Variants in LARGE1 observed in about 807,000 individuals in gnomAD.
The protein encoded by LARGE1 is LARGE xylosyl- and glucuronyltransferase 1.
Under a neutral mutation model 87.6 loss-of-function variants are expected in LARGE1, and 43 were observed. The ratio of observed to expected loss-of-function variants is 0.49; its 90% CI spans 0.38 to 0.63. The LOEUF (loss-of-function observed/expected upper bound fraction) is 0.63. Ranked by LOEUF, LARGE1 falls within the 30% of genes least tolerant of loss-of-function variation. The pLI is 0.00. For synonymous variants in LARGE1, 434 were observed against 394.6 expected (o/e 1.10, Z -1.18); for missense variants, 802 against 1,000.2 (o/e 0.80, Z 2.67).
chr22:33,616,298 G>A (rs1301660222), intron 4 of LARGE1, among the ~76,000 whole-genome samples: 1 of 152,084 alleles, frequency 6.6e-6, no homozygotes, highest in Non-Finnish European at 1.5e-5. Context: ...CCTGAGGTCA[G>A]GAGTTCAAGA....
chr22:33,099,981 C>T, the LARGE1 span, among the ~76,000 whole-genome samples: 5 of 152,122 alleles, frequency 3.3e-5, no homozygotes, highest in Admixed American at 6.5e-5. Flanking sequence ...CACAGGGGAA[C>T]AATAAATCTA....
upstream of LARGE1, among the ~76,000 whole-genome samples, chr22:33,921,601 A>C (rs1255337961): frequency 6.6e-6 from 1 of 152,074 alleles, no homozygotes; most frequent in Non-Finnish European, 1.5e-5. This position sits in a 1 kb window ranked among gnomAD's most constrained non-coding sequence, Gnocchi z 4.1. Context: ...TGGGATCGGT[A>C]TCCAAGAATC....
intron 2 of LARGE1, among the ~76,000 whole-genome samples, chr22:33,760,482 C>T (rs941743195): frequency 3.3e-5 from 5 of 152,196 alleles, no homozygotes; most frequent in Non-Finnish European, 7.3e-5. Context: ...ACCTCTCCCA[C>T]AGCACCCTGC....
At chr22:33,377,139 T>A (rs2065017213) in intron 9 of LARGE1, among the ~76,000 whole-genome samples, 1 of 152,238 alleles carries the variant, frequency 6.6e-6, no homozygotes, top group African/African-American at 2.4e-5. Flanking sequence ...TCATTTGTGT[T>A]AACAAAACCC....
intron 1 of LARGE1, among the ~76,000 whole-genome samples, chr22:33,891,135 C>T (rs777400806): frequency 2.6e-5 from 4 of 152,152 alleles, no homozygotes; most frequent in Non-Finnish European, 5.9e-5. Context: ...CATTCAGACC[C>T]CTCATTTGAG....
chr22:33,253,906 TG>T (rs1555885389), intron 11 of LARGE1, among the ~76,000 whole-genome samples: 218 of 64,112 alleles, frequency 3.4e-3, no homozygotes, highest in African/African-American at 9.9e-3. Flanking sequence ...CTTTCCTTCT[TG>T]GTTTTTTTTT....
intron 1 of LARGE1, among the ~76,000 whole-genome samples, chr22:33,812,440 T>C (rs1450423215): frequency 2.0e-5 from 3 of 152,236 alleles, no homozygotes; most frequent in African/African-American, 7.2e-5. Flanking sequence ...TGACTCTCTC[T>C]TTGCATACTG....
At chr22:33,548,849 A>G (rs1390225463) in intron 6 of LARGE1, among the ~76,000 whole-genome samples, 2 of 152,230 alleles carry the variant, frequency 1.3e-5, no homozygotes, top group East Asian at 3.8e-4. Context: ...CTTCTCTTTT[A>G]TCTCATAAGA....
At chr22:33,288,081 G>T (rs1931872293) in intron 12 of LARGE1, among the ~76,000 whole-genome samples, 1 of 152,148 alleles carries the variant, frequency 6.6e-6, no homozygotes, top group African/African-American at 2.4e-5. Context: ...GCCTATGATG[G>T]TTCCCTTTCT....
At chr22:33,401,115 C>T (rs908957213) in intron 7 of LARGE1, among the ~76,000 whole-genome samples, 1 of 152,152 alleles carries the variant, frequency 6.6e-6, no homozygotes, top group Non-Finnish European at 1.5e-5. Flanking sequence ...ATGGCTGTGT[C>T]CTCCACTTCA....
At chr22:33,486,732 C>G (rs1408531527) in intron 6 of LARGE1, among the ~76,000 whole-genome samples, 2 of 152,170 alleles carry the variant, frequency 1.3e-5, no homozygotes, top group African/African-American at 4.8e-5. Flanking sequence ...ATTACACAAT[C>G]CACTGTTGAT....
chr22:33,868,280 C>T (rs2064168116), intron 1 of LARGE1, among the ~76,000 whole-genome samples: 1 of 152,128 alleles, frequency 6.6e-6, no homozygotes, highest in African/African-American at 2.4e-5. Context: ...AGCAGAAACA[C>T]CTGAGAAACG....
chr22:33,364,387 A>G (rs1356061141), intron 9 of LARGE1, among the ~76,000 whole-genome samples: 2 of 151,480 alleles, frequency 1.3e-5, no homozygotes, highest in African/African-American at 4.9e-5. Context: ...GCTTCCTCCC[A>G]TCTTTTGTTT....
At chr22:33,135,859 A>T in the LARGE1 span, among the ~76,000 whole-genome samples, 2 of 149,288 alleles carry the variant, frequency 1.3e-5, no homozygotes, top group Non-Finnish European at 1.5e-5. Flanking sequence ...AAATAAAACA[A>T]AATAAAATAA....
chr22:33,833,607 T>G (rs947684897), intron 1 of LARGE1, among the ~76,000 whole-genome samples: 16 of 152,220 alleles, frequency 1.1e-4, no homozygotes, highest in Non-Finnish European at 1.3e-4. Flanking sequence ...CTGTGGTACC[T>G]TGTTACGATA....
intron 5 of LARGE1, among the ~76,000 whole-genome samples, chr22:33,565,297 C>T (rs2077989281): frequency 6.6e-6 from 1 of 151,878 alleles, no homozygotes; most frequent in African/African-American, 2.4e-5. Context: ...TTAAATAAAA[C>T]TTTTGTTATT....
At chr22:33,423,024 A>G (rs1238922282) in intron 7 of LARGE1, among the ~76,000 whole-genome samples, 1 of 145,234 alleles carries the variant, frequency 6.9e-6, no homozygotes, top group African/African-American at 2.5e-5. Flanking sequence ...TTTTTTTTGC[A>G]TGGTTTGAAT....
intron 1 of LARGE1, among the ~76,000 whole-genome samples, chr22:33,777,647 G>A (rs1235138940): frequency 8.0e-6 from 1 of 124,764 alleles, no homozygotes; most frequent in Non-Finnish European, 1.7e-5. Context: ...AGGGGAAGGG[G>A]GAGGGGGAGG....
At chr22:33,520,324 C>A (rs1212486617) in intron 6 of LARGE1, among the ~76,000 whole-genome samples, 1 of 152,142 alleles carries the variant, frequency 6.6e-6, no homozygotes, top group African/African-American at 2.4e-5. Flanking sequence ...AATCCTTGCA[C>A]CTCAGCCTCC....
Sources: allele counts gnomAD v4.1 joint callset (sites outside exome capture counted in the v4.1 genomes callset), GRCh38; gene constraint gnomAD v4.1.1; non-coding constraint Gnocchi (gnomAD v3.1); transcripts MANE v1.5; gene names NCBI Gene and HGNC (gene_info 2026-07-23, HGNC 2026-07-21).